DMXL2: variants seen among roughly 807,000 people sequenced by gnomAD.
DMXL2 encodes the protein Dmx like 2, also known as dmX-like protein 2.
A neutral mutation model predicts 331.1 loss-of-function variants in DMXL2; 103 were observed. That is an observed-to-expected ratio of 0.31 (90% CI 0.27 to 0.37). The LOEUF (loss-of-function observed/expected upper bound fraction) is 0.37. Ranked by LOEUF, DMXL2 falls within the 10% of genes least tolerant of loss-of-function variation. DMXL2 has a pLI of 1.00. For synonymous variants in DMXL2, 1,281 were observed against 1,252.1 expected, an observed-to-expected ratio of 1.02 and a Z score of -0.49; for missense variants, 3,171 against 3,642.9, an observed-to-expected ratio of 0.87 and a Z score of 3.33.
chr15:51,453,334 T>C (rs1267249790), intron 41 of DMXL2: 1 of 399,594 alleles, frequency 2.5e-6, no homozygotes, highest in East Asian at 4.6e-5. Context: ...AAAGACTGAA[T>C]AGCTTTAAAA....
At position 51,545,589 on chromosome 15, in the gene DMXL2, A is replaced by G; in HGVS notation, c.924T>C (p.Ala308=). ...ATTTTAAATAATATAATACCTCAAG[A>G]GCATGCTGTATTCTGTCTTTGTGTC... is the stretch of plus-strand genomic sequence containing the variant. ...AGRHKDRIQH[A]LETIHHLKNL... The change falls in exon 8 of 44, where the codon GCT becomes GCC. Residue 308 remains alanine (A), a synonymous_variant. Coordinates refer to ENST00000560891, the MANE Select transcript of DMXL2 (RefSeq NM_001378457.1). 1 of 1,612,570 alleles carries G rather than the reference A, an allele frequency of 6.2e-7. No homozygotes were observed. The highest frequency in any genetic ancestry group is 8.5e-7 in the Non-Finnish European group (1 of 1,179,014).
At chr15:51,459,811 A>ATT in intron 33 of DMXL2, 151 bp from the exon 34 acceptor site, 2 of 1,195,570 alleles carry the variant, frequency 1.7e-6, no homozygotes, top group Non-Finnish European at 2.1e-6. Context: ...AACCGAATAA[A>ATT]ACAGTCATCA....
intron 6 of DMXL2, among the ~76,000 whole-genome samples, chr15:51,553,853 T>C (rs1424583641): frequency 2.0e-5 from 3 of 152,178 alleles, no homozygotes. Context: ...ATTTATTGTT[T>C]ATTTTATTGG....
chr15:51,456,438 A>G lies in DMXL2; in HGVS notation c.8338-69T>C, dbSNP rs1701083694. 3.1e-6 allele frequency: 3 copies of G among 952,776 alleles called. No homozygotes were observed. The South Asian group carries it at 5.1e-5, about 16-fold the overall frequency. 59.0% of individuals were successfully genotyped at this position (952,776 alleles called of 1,614,324 possible). The stretch of plus-strand genomic sequence containing the variant: ...AAGATGAGGAAGGATATGCTTCAGG[A>G]TAAATTCTGACATTTATTCTCTTAC... On this transcript the variant is annotated intron_variant, in intron 37 of 43. Transcript: ENST00000560891.
chr15:51,602,204 T>G (rs947074434), intron 1 of DMXL2, among the ~76,000 whole-genome samples: 1 of 152,186 alleles, frequency 6.6e-6, no homozygotes, highest in Non-Finnish European at 1.5e-5. Context: ...AGGCCTGGAC[T>G]GTCAGGCCTA....
intron 5 of DMXL2, 100 bp downstream of exon 5, chr15:51,564,025 A>G: frequency 7.5e-7 from 1 of 1,330,940 alleles, no homozygotes; most frequent in Admixed American, 2.6e-5. Context: ...ATCTAAATGC[A>G]ATGGTACCAT....
At chr15:51,471,946 G>A (rs955954749) in intron 28 of DMXL2, among the ~76,000 whole-genome samples, 1 of 152,092 alleles carries the variant, frequency 6.6e-6, no homozygotes, top group East Asian at 1.9e-4. Context: ...TATGAACCTG[G>A]GAACTTATGT....
At chr15:51,449,264 C>A (rs2141171682) in intron 43 of DMXL2, 71 bp from the exon 44 acceptor site, 2 of 1,497,872 alleles carry the variant, frequency 1.3e-6, no homozygotes, top group Non-Finnish European at 1.8e-6. Flanking sequence ...CCCTTCTGCT[C>A]CCTTGGCCCA....
At chr15:51,451,134 T>G (rs538966486) in intron 42 of DMXL2, among the ~76,000 whole-genome samples, 2 of 152,308 alleles carry the variant, frequency 1.3e-5, no homozygotes, top group East Asian at 3.9e-4. Context: ...CTTTGTTTTA[T>G]TTTATGGTTA....
chr15:51,604,081 GTAC>G (rs1056228885), intron 1 of DMXL2, among the ~76,000 whole-genome samples: 6 of 151,844 alleles, frequency 4.0e-5, no homozygotes, highest in Admixed American at 1.3e-4. Context: ...GCTTATACTG[GTAC>G]TACAAGACTG....
rs114265584 is a variant in DMXL2 at position 51,498,465 on chromosome 15, C to T, written c.4672+87G>A. ...TCCCTGCAAAGTTTGAAAGTTGAGA[C>T]TGCAATTCAGTAAATGAGTCAGTAT... On this transcript the variant is annotated intron_variant, in intron 18 of 43. Coordinates refer to ENST00000560891, the MANE Select transcript of DMXL2 (RefSeq NM_001378457.1). 1.3e-3 allele frequency: 1,726 copies of T among 1,352,790 alleles called. 19 individuals are homozygous for T. The African/African-American group carries it at 0.023, about 18-fold the overall frequency. The allele number at this position is 1,352,790 out of a possible 1,614,324, so 83.8% of individuals were successfully genotyped here.
intron 1 of DMXL2, among the ~76,000 whole-genome samples, chr15:51,613,199 G>A (rs146832807): frequency 0.034 from 5,110 of 152,242 alleles, 112 homozygotes; most frequent in Non-Finnish European, 0.051. Flanking sequence ...CGAAGATGAC[G>A]GGATTAAGAG....
intron 1 of DMXL2, among the ~76,000 whole-genome samples, chr15:51,615,827 T>C (rs931743719): frequency 2.6e-5 from 4 of 152,318 alleles, no homozygotes; most frequent in Middle Eastern, 3.4e-3. Context: ...AGAAAATGTA[T>C]GGAATTTTGT....
chr15:51,581,551 CT>C (rs2051420181), intron 1 of DMXL2, among the ~76,000 whole-genome samples: 1 of 152,056 alleles, frequency 6.6e-6, no homozygotes, highest in Admixed American at 6.6e-5. Flanking sequence ...GCATAACACA[CT>C]CATTCAGTCT....
rs1461862457 is a variant in DMXL2 at position 51,448,225 on chromosome 15, A to T, written c.*759T>A. 1 of 152,676 alleles carries T rather than the reference A, an allele frequency of 6.5e-6. No homozygotes were observed. Among genetic ancestry groups the T allele is most frequent in the Non-Finnish European group, 1.5e-5 (1 of 68,044 alleles). The allele number at this position is 152,676 out of a possible 1,614,324, so 9.5% of individuals were successfully genotyped here. ...TGTTTGGGTGTTTAACCTTGAATAC[A>T]CGAAAAGAAAAAGTACTAAACTGGA... On this transcript the variant is annotated 3_prime_UTR_variant, in exon 44 of 44. Transcript: ENST00000560891.
intron 14 of DMXL2, 146 bp from the exon 15 acceptor site, chr15:51,514,705 C>A: frequency 1.7e-6 from 1 of 579,962 alleles, no homozygotes; most frequent in Non-Finnish European, 3.0e-6. Flanking sequence ...AAGAAAAAAG[C>A]AACAGAAGAG....
Position 51,502,895 on chromosome 15 carries a change from C to T in DMXL2, c.2903G>A (p.Ser968Asn), listed in dbSNP as rs774306559. The stretch of plus-strand genomic sequence containing the variant: ...CAGTCTAGAACTCAGAATAAGTTTA[C>T]TGGCAGTTTGAAGATTGGCAATTGA... Reference protein sequence around the residue: ...SSSIANLQTASKLILSSRLVY... With the variant: ...SSSIANLQTANKLILSSRLVY... Residue 968 changes from serine to asparagine, a missense_variant, in exon 17 of 44, where the codon AGT (serine) becomes AAT (asparagine). Ser to Asn is a conservative substitution (Grantham distance 46). Coordinates refer to ENST00000560891, the MANE Select transcript of DMXL2 (RefSeq NM_001378457.1). 9.9e-6 allele frequency: 16 copies of T among 1,613,996 alleles called. No homozygotes were observed.
At chr15:51,462,596 C>A (rs1224863402) in intron 33 of DMXL2, among the ~76,000 whole-genome samples, 1 of 152,154 alleles carries the variant, frequency 6.6e-6, no homozygotes, top group Non-Finnish European at 1.5e-5. Context: ...CTCGGCCTCC[C>A]AAAGTGCTGG....
In DMXL2 at chr15:51,536,584, A is replaced by G. The variant is rs779392427; in HGVS notation, c.1896T>C (p.Ser632=). Residue 632 remains serine, a synonymous_variant, in exon 12 of 44, where the codon TCT becomes TCC. Transcript: ENST00000560891. ...ATACAGTTAGAACAGTGGTAAAGGC[A>G]GACTTATCAGCAAAAGTGACTGCCC... ...NQWAVTFADK[S]AFTTVLTVSH... is the part of the protein sequence containing the mutation. 1 of 1,614,080 alleles carries G rather than the reference A, an allele frequency of 6.2e-7. No individual in the cohort carries two copies.
Sources: allele counts gnomAD v4.1 joint callset (sites outside exome capture counted in the v4.1 genomes callset), GRCh38; gene constraint gnomAD v4.1.1; transcripts MANE v1.5; gene names NCBI Gene and HGNC (gene_info 2026-07-23, HGNC 2026-07-21).